The following PTAR1 variants were observed in gnomAD, a reference collection of about 807,000 sequenced individuals.
The protein encoded by PTAR1 is protein prenyltransferase alpha subunit repeat-containing protein 1.
PTAR1 carries 17 observed loss-of-function variants against 45.5 expected under a neutral mutation model. The observed-to-expected ratio is 0.37, with a 90% confidence interval of 0.26 to 0.56. The LOEUF (loss-of-function observed/expected upper bound fraction) is 0.56, where lower values mean the gene tolerates loss of function less well. Among genes scored for constraint, PTAR1 ranks in the 20% least tolerant of loss-of-function variants. The pLI, the probability that PTAR1 is intolerant of heterozygous loss-of-function variation, is 0.77. For missense variants in PTAR1, 391 were observed against 476.3 expected, an observed-to-expected ratio of 0.82 and a Z score of 1.67; for synonymous variants, 169 against 171.3, an observed-to-expected ratio of 0.99 and a Z score of 0.11.
In PTAR1 at chr9:69,711,893, C is replaced by A. The variant is rs1225099355; in HGVS notation, c.*6449G>T. The stretch of plus-strand genomic sequence containing the variant: ...ATACTCCTTGGTGAAAAGATGTCAA[C>A]AGTCTCCTTTCTGAAAGCTGTTAGT... On this transcript the variant is annotated 3_prime_UTR_variant, in exon 8 of 8. Coordinates refer to ENST00000340434, the MANE Select transcript of PTAR1 (RefSeq NM_001099666.2). 6.6e-6 allele frequency: 1 copy of A among 152,106 alleles called. No homozygotes were observed. The highest frequency in any genetic ancestry group is 2.4e-5 in the African/African-American group (1 of 41,436). 9.4% of individuals were successfully genotyped at this position (152,106 alleles called of 1,614,324 possible). A position where few individuals can be genotyped will look rare whatever the true frequency, so the allele number is the denominator to read the frequency against.
chr9:69,732,500 G>T, intron 4 of PTAR1, 148 bp from the exon 5 acceptor site: 1 of 630,948 alleles, frequency 1.6e-6, no homozygotes, highest in South Asian at 2.0e-5. Context: ...TGGAGATGGG[G>T]AGGGGTTGTT....
In PTAR1 at chr9:69,710,882, A is replaced by G. The variant is rs973811600; in HGVS notation, c.*7460T>C. The G allele has an allele frequency of 1.3e-5, 2 of 152,064 alleles. No homozygotes were observed. Among genetic ancestry groups the G allele is most frequent in the Non-Finnish European group, 2.9e-5 (2 of 68,022 alleles). 9.4% of individuals were successfully genotyped at this position (152,064 alleles called of 1,614,324 possible). ...ATAAGAAAATCTTAAAACAATATTG[A>G]CGGCAGCTTACTTATATCTTCAAGC... On this transcript the variant is annotated 3_prime_UTR_variant, in exon 8 of 8. Transcript: ENST00000340434.
chr9:69,732,479 G>T, intron 4 of PTAR1, 127 bp from the exon 5 acceptor site: 1 of 680,670 alleles, frequency 1.5e-6, no homozygotes, highest in Non-Finnish European at 2.5e-6. Context: ...CTGTTTATAA[G>T]TCTAGTATTT....
rs398010830 is a variant in PTAR1, at chr9:69,734,258, T to TAAAAAAAA, written c.324-12_324-5dup. 9 of 207,688 alleles carry TAAAAAAAA rather than the reference T, an allele frequency of 4.3e-5. No homozygotes were observed. Among genetic ancestry groups the TAAAAAAAA allele is most frequent in the South Asian group, 1.8e-4 (2 of 10,972 alleles). The allele number at this position is 207,688 out of a possible 1,614,324, so 12.9% of individuals were successfully genotyped here. On this transcript the variant is annotated splice_polypyrimidine_tract_variant and splice_region_variant and intron_variant, in intron 3 of 7. Coordinates refer to ENST00000340434, the MANE Select transcript of PTAR1 (RefSeq NM_001099666.2). ...GCCAGAGAGGATCAGCTCTTTCCTGTAAAAAAAAAAAAAAAAAAAAAAAAA... is the reference window on the plus strand; with the variant it reads ...GCCAGAGAGGATCAGCTCTTTCCTGTAAAAAAAAAAAAAAAAAAAAAAAAAAAAAAAAA...
rs1209554730 is a variant in PTAR1 at position 69,732,334 on chromosome 9, C to T, written c.447G>A (p.Gln149=). ...TWIHRRWVLQ[Q]LIQETSLPSF... Reference sequence around the variant, plus strand: ...AAGGCAAGGAGGTTTCCTGAATTAGCTGTTGTAGCACCCATCGCCTGTTAA... The same window carrying T: ...AAGGCAAGGAGGTTTCCTGAATTAGTTGTTGTAGCACCCATCGCCTGTTAA... The change falls in exon 5 of 8, where the codon CAG becomes CAA. Residue 149 remains glutamine, a synonymous_variant. Coordinates refer to ENST00000340434, the MANE Select transcript of PTAR1 (RefSeq NM_001099666.2). 2 of 1,613,576 alleles carry T rather than the reference C, an allele frequency of 1.2e-6. No homozygotes were observed. The highest frequency in any genetic ancestry group is 1.7e-6 in the Non-Finnish European group (2 of 1,179,554).
chr9:69,754,714 A>ATG, intron 1 of PTAR1, among the ~76,000 whole-genome samples: 1 of 32,850 alleles, frequency 3.0e-5, no homozygotes, highest in South Asian at 1.3e-3. Flanking sequence ...GCTAATATAT[A>ATG]TATATATATT....
At chr9:69,747,245 T>C (rs938055829) in intron 2 of PTAR1, among the ~76,000 whole-genome samples, 2 of 152,232 alleles carry the variant, frequency 1.3e-5, no homozygotes, top group Admixed American at 6.5e-5. Flanking sequence ...AGTGATACTA[T>C]TATGCAAGCC....
At position 69,756,137 on chromosome 9, in the gene PTAR1, T is replaced by C. The variant is rs531138264; in HGVS notation, c.86+3716A>G. Among the ~76,000 whole-genome samples, 3 of 152,346 alleles carry C rather than the reference T, an allele frequency of 2.0e-5. No homozygotes were observed. In the South Asian group the frequency reaches 6.2e-4, roughly 32 times the overall value. On this transcript the variant is annotated intron_variant, in intron 1 of 7. Coordinates refer to ENST00000340434, the MANE Select transcript of PTAR1 (RefSeq NM_001099666.2). ...AGCCCAGTAGACTCTGGCTTTCTAT[T>C]CTTCAGTTCACCTTGCAGACGATCT...
At chr9:69,756,094 T>C (rs1057192197) in intron 1 of PTAR1, among the ~76,000 whole-genome samples, 3 of 152,108 alleles carry the variant, frequency 2.0e-5, no homozygotes, top group African/African-American at 7.2e-5. Flanking sequence ...TTTAAATAAA[T>C]AAAAATCAGG....
chr9:69,732,074 G>T, intron 5 of PTAR1, 65 bp downstream of exon 5: 1 of 1,151,712 alleles, frequency 8.7e-7, no homozygotes, highest in South Asian at 1.3e-5. Context: ...TTCTGAGAAT[G>T]AACTACTACC....
chr9:69,723,680 T>C (rs1442578739), intron 5 of PTAR1, 50 bp from the exon 6 acceptor site: 1 of 1,384,636 alleles, frequency 7.2e-7, no homozygotes, highest in East Asian at 2.3e-5. Context: ...CAAAGGTTCT[T>C]CTTTCTCCAT....
chr9:69,720,814 C>T (rs996903478), intron 6 of PTAR1, among the ~76,000 whole-genome samples: 1 of 152,150 alleles, frequency 6.6e-6, no homozygotes, highest in African/African-American at 2.4e-5. Context: ...GACAGCACAT[C>T]CGTTTAAAGA....
In PTAR1 at chr9:69,717,498, T is replaced by C. The variant is rs1157841891; in HGVS notation, c.*844A>G. ...ACTCTTAAGTTAGTTTTTTCTTAAATAACCATTTAAAAAATGGATTACATT... is the reference window on the plus strand; with the variant it reads ...ACTCTTAAGTTAGTTTTTTCTTAAACAACCATTTAAAAAATGGATTACATT... On this transcript the variant is annotated 3_prime_UTR_variant, in exon 8 of 8. Transcript: ENST00000340434. The C allele has an allele frequency of 6.6e-6, 1 of 152,160 alleles. No individual in the cohort carries two copies. The highest frequency in any genetic ancestry group is 1.5e-5 in the Non-Finnish European group (1 of 68,024). 9.4% of individuals were successfully genotyped at this position (152,160 alleles called of 1,614,324 possible).
intron 1 of PTAR1, among the ~76,000 whole-genome samples, chr9:69,756,444 C>T (rs567877791): frequency 6.6e-6 from 1 of 152,194 alleles, no homozygotes; most frequent in African/African-American, 2.4e-5. Context: ...TTCATTAAAC[C>T]ACCCAGTTTT....
At position 69,717,334 on chromosome 9, in the gene PTAR1, AAAATGGCATT is replaced by A. The variant is rs1824769083; in HGVS notation, c.*998_*1007del. On this transcript the variant is annotated 3_prime_UTR_variant, in exon 8 of 8. Transcript: ENST00000340434. ...TGAAATTAAAAAGTAGTAATAGCTAAAAATGGCATTCCAGGTTTTCAGGAAAAAAAAATCA... is the reference window on the plus strand; with the variant it reads ...TGAAATTAAAAAGTAGTAATAGCTAACCAGGTTTTCAGGAAAAAAAAATCA... The A allele has an allele frequency of 6.6e-6, 1 of 152,214 alleles. No homozygotes were observed. Among genetic ancestry groups the A allele is most frequent in the Admixed American group, 6.5e-5 (1 of 15,270 alleles). 9.4% of individuals were successfully genotyped at this position (152,214 alleles called of 1,614,324 possible).
chr9:69,753,128 T>C (rs1176414170), intron 1 of PTAR1, among the ~76,000 whole-genome samples: 2 of 129,126 alleles, frequency 1.5e-5, no homozygotes, highest in Non-Finnish European at 3.6e-5. Context: ...GTATGGTTTG[T>C]TTTTGGGGGG....
chr9:69,721,260 A>T (rs1179896832), intron 6 of PTAR1, among the ~76,000 whole-genome samples: 1 of 152,202 alleles, frequency 6.6e-6, no homozygotes, highest in Non-Finnish European at 1.5e-5. Context: ...TCAAGACTTC[A>T]GTGTAGTAAG....
chr9:69,726,354 A>G (rs560575767), intron 5 of PTAR1, among the ~76,000 whole-genome samples: 1 of 152,232 alleles, frequency 6.6e-6, no homozygotes, highest in South Asian at 2.1e-4. Flanking sequence ...ATATTATTCT[A>G]TAATTTTTAA....
intron 5 of PTAR1, among the ~76,000 whole-genome samples, chr9:69,728,654 T>A (rs145965719): frequency 6.6e-6 from 1 of 152,320 alleles, no homozygotes; most frequent in Admixed American, 6.5e-5. Context: ...GCTTTTTTTA[T>A]GTGAAACTTG....
Sources: gnomAD v4.1 joint callset for allele counts (sites outside exome capture counted in the v4.1 genomes callset) on GRCh38, gnomAD v4.1.1 for gene constraint, MANE v1.5 for transcripts, NCBI Gene and HGNC (gene_info 2026-07-23, HGNC 2026-07-21) for gene names.